The following THEM4 variants were observed in gnomAD, a reference collection of about 807,000 sequenced individuals.
The protein encoded by THEM4 is thioesterase superfamily member 4.
Under a neutral mutation model 25.0 loss-of-function variants are expected in THEM4, and 22 were observed. The observed-to-expected ratio is 0.88, with a 90% CI of 0.63 to 1.26. The LOEUF is 1.26. Ranked by LOEUF, THEM4 falls within the 50% of genes most tolerant of loss-of-function variation. The pLI, the probability that THEM4 is intolerant of heterozygous loss-of-function variation, is 0.00. For missense variants in THEM4, 286 were observed against 300.3 expected, an observed-to-expected ratio of 0.95 and a Z score of 0.35; for synonymous variants, 113 against 105.6, an observed-to-expected ratio of 1.07 and a Z score of -0.43.
chr1:151,908,693 T>G (rs969803961), intron 1 of THEM4, among the ~76,000 whole-genome samples: 2 of 152,254 alleles, frequency 1.3e-5, no homozygotes, highest in African/African-American at 4.8e-5. Flanking sequence ...GGACCTTATT[T>G]TGCTGGAAAA....
chr1:151,880,969 T>G (rs552090176), intron 4 of THEM4, among the ~76,000 whole-genome samples: 3 of 152,210 alleles, frequency 2.0e-5, no homozygotes, highest in African/African-American at 7.2e-5. Flanking sequence ...AAATTGAGTT[T>G]TACTACTTGT....
At chr1:151,891,419 CTA>C (rs761755284) in intron 2 of THEM4, 11 of 152,168 alleles carry the variant, frequency 7.2e-5, no homozygotes, top group Non-Finnish European at 1.5e-4. Flanking sequence ...CAATGCTTAA[CTA>C]TGTGAAAGCC....
intron 4 of THEM4, among the ~76,000 whole-genome samples, chr1:151,879,673 T>C (rs1308224344): frequency 6.6e-6 from 1 of 151,180 alleles, no homozygotes; most frequent in Non-Finnish European, 1.5e-5. Context: ...TTTTTTTTTT[T>C]TGAGATGGAG....
rs118081184 is a variant in THEM4, at chr1:151,897,985, G to A, written c.100-2791C>T. Among the ~76,000 whole-genome samples, 252 of 152,302 alleles carry A rather than the reference G, an allele frequency of 1.7e-3. 2 individuals carry two copies. In the East Asian group the frequency reaches 0.042, roughly 25 times the overall value. ...GCCCATACCTGCCTGGCACCACAGGGATTCATCAGGAGGGTGGCCAAAGGA... is the reference window on the plus strand; with the variant it reads ...GCCCATACCTGCCTGGCACCACAGGAATTCATCAGGAGGGTGGCCAAAGGA... On this transcript the variant is annotated intron_variant, in intron 1 of 5. Transcript: ENST00000368814.
chr1:151,870,984 C>A lies in THEM4; in HGVS notation c.*3904G>T, dbSNP rs1405199768. On this transcript the variant is annotated 3_prime_UTR_variant, in exon 6 of 6. Transcript: ENST00000368814. ...TAGTTTAAAGATATTTTAGCACTAA[C>A]CAGCATCAATTCCTAATATTCATTC... Among the ~76,000 whole-genome samples the A allele has an allele frequency of 6.6e-6, 1 of 152,080 alleles. No individual in the cohort carries two copies. The highest frequency in any genetic ancestry group is 1.9e-4 in the East Asian group (1 of 5,196).
Position 151,895,051 on chromosome 1 carries a change from A to T in THEM4, c.243T>A (p.Arg81=), listed in dbSNP as rs902852995. 4 of 1,614,030 alleles carry T rather than the reference A, an allele frequency of 2.5e-6. No homozygotes were observed. In the African/African-American group the frequency reaches 4.0e-5, roughly 16 times the overall value. The change falls in exon 2 of 6, where the codon CGT becomes CGA. Residue 81 remains arginine (R), a synonymous_variant. Coordinates refer to ENST00000368814, the MANE Select transcript of THEM4 (RefSeq NM_053055.5). ...AGTCTTGAATCCATTCAGTAGGTGT[A>T]CGTTTATATGAAGGCAAACGTTTCC... The part of the protein sequence containing the change: ...GSWKRLPSYK[R]TPTEWIQDFK...
chr1:151,882,048 T>G (rs914549178), intron 4 of THEM4, among the ~76,000 whole-genome samples: 2 of 152,206 alleles, frequency 1.3e-5, no homozygotes, highest in South Asian at 4.1e-4. Flanking sequence ...TTTCTCTCTC[T>G]CTCTGCTAAA....
Position 151,878,889 on chromosome 1 carries a change from T to TACACACACAC in THEM4, c.558-1765_558-1764insGTGTGTGTGT, listed in dbSNP as rs144026658. ...TTGTTTTATTATATTTGTATATGTC[T>TACACACACAC]ATACACACACACACACACACACACA... On this transcript the variant is annotated intron_variant, in intron 4 of 5. Transcript: ENST00000368814. 8.7e-3 allele frequency among the ~76,000 whole-genome samples: 1,112 copies of TACACACACAC among 127,674 alleles called. 54 individuals carry two copies. The highest frequency in any genetic ancestry group is 0.019 in the African/African-American group (642 of 33,536). 83.8% of individuals were successfully genotyped at this position (127,674 alleles called of 152,430 possible). A position where few individuals can be genotyped will look rare whatever the true frequency, so the allele number is the denominator to read the frequency against.
chr1:151,908,378 A>T (rs1398997405), intron 1 of THEM4, among the ~76,000 whole-genome samples: 1 of 152,152 alleles, frequency 6.6e-6, no homozygotes, highest in Non-Finnish European at 1.5e-5. Flanking sequence ...ACCCCATTGC[A>T]TAGCTTCGTT....
intron 1 of THEM4, among the ~76,000 whole-genome samples, chr1:151,897,762 T>C (rs559144621): frequency 1.8e-4 from 28 of 152,200 alleles, no homozygotes; most frequent in African/African-American, 5.1e-4. Flanking sequence ...CCAAATACTG[T>C]GAGTGCCCCA....
At position 151,874,853 on chromosome 1, in the gene THEM4, G is replaced by C; in HGVS notation, c.*35C>G. ...TTGGGGGACAACTGCTTCTTCTGGA[G>C]GGGCGAGAATGAGATGGAGTTCACC... On this transcript the variant is annotated 3_prime_UTR_variant, in exon 6 of 6. Coordinates refer to ENST00000368814, the MANE Select transcript of THEM4 (RefSeq NM_053055.5). The C allele has an allele frequency of 6.2e-7, 1 of 1,606,366 alleles. No homozygotes were observed. Among genetic ancestry groups the C allele is most frequent in the African/African-American group, 1.3e-5 (1 of 74,846 alleles).
intron 1 of THEM4, 69 bp from the exon 2 acceptor site, chr1:151,895,263 A>G (rs1388090456): frequency 3.1e-6 from 4 of 1,279,938 alleles, no homozygotes; most frequent in African/African-American, 1.5e-5. Context: ...TATTCTCCCA[A>G]TTTCTAAGAT....
At chr1:151,891,591 T>G (rs558050947) in intron 2 of THEM4, among the ~76,000 whole-genome samples, 1 of 152,214 alleles carries the variant, frequency 6.6e-6, no homozygotes, top group Non-Finnish European at 1.5e-5. Context: ...CAATTGTTTC[T>G]GAGGGGCCTT....
chr1:151,895,175 T>G lies in THEM4; in HGVS notation c.119A>C (p.Glu40Ala). Residue 40 changes from glutamate (E) to alanine (A), a missense_variant, in exon 2 of 6, where the codon GAA (glutamate) becomes GCA (alanine). Transcript: ENST00000368814. ...GACAGAACAGTCCTTAAGAATGACT[T>G]CCTCAGAAGAAAATGACCTCTAAAA... Reference protein sequence around the residue: ...RPELRSFSSEEVILKDCSVPN... With the variant: ...RPELRSFSSEAVILKDCSVPN... 6.2e-7 allele frequency: 1 copy of G among 1,610,236 alleles called. No homozygotes were observed. Among genetic ancestry groups the G allele is most frequent in the East Asian group, 2.2e-5 (1 of 44,864 alleles).
At chr1:151,886,664 T>C (rs1653978374) in intron 4 of THEM4, among the ~76,000 whole-genome samples, 2 of 152,162 alleles carry the variant, frequency 1.3e-5, no homozygotes, top group African/African-American at 4.8e-5. Flanking sequence ...ATCAATGTAA[T>C]TGCTATTAAA....
chr1:151,878,091 G>A (rs1002629612), intron 4 of THEM4, among the ~76,000 whole-genome samples: 3 of 152,064 alleles, frequency 2.0e-5, no homozygotes, highest in Non-Finnish European at 4.4e-5. Context: ...AAGACCCAGG[G>A]GACATTAGGT....
chr1:151,902,610 A>G (rs571769493), intron 1 of THEM4, among the ~76,000 whole-genome samples: 9 of 152,196 alleles, frequency 5.9e-5, no homozygotes, highest in Non-Finnish European at 1.2e-4. Flanking sequence ...GAACTTACTC[A>G]TGTAACCAAA....
chr1:151,907,409 G>A (rs1654494994), intron 1 of THEM4, among the ~76,000 whole-genome samples: 1 of 152,166 alleles, frequency 6.6e-6, no homozygotes, highest in Admixed American at 6.5e-5. Flanking sequence ...TTATGCACCT[G>A]TCACAATTTG....
intron 2 of THEM4, among the ~76,000 whole-genome samples, chr1:151,893,750 A>G (rs894590458): frequency 6.6e-6 from 1 of 152,230 alleles, no homozygotes; most frequent in Non-Finnish European, 1.5e-5. Context: ...TTAGAGGCAT[A>G]AGAAGAAAGA....
Sources: gnomAD v4.1 joint callset for allele counts (sites outside exome capture counted in the v4.1 genomes callset) on GRCh38, gnomAD v4.1.1 for gene constraint, MANE v1.5 for transcripts, NCBI Gene and HGNC (gene_info 2026-07-23, HGNC 2026-07-21) for gene names.